The following NCAM2 variants were observed in gnomAD, a reference collection of about 807,000 sequenced individuals.
The protein encoded by NCAM2 is neural cell adhesion molecule 2.
In NCAM2, 30 loss-of-function variants were observed where a neutral mutation model predicts 98.1. The observed-to-expected ratio is 0.31, with a 90% CI of 0.23 to 0.41. The LOEUF (loss-of-function observed/expected upper bound fraction) is 0.41. Among genes scored for constraint, NCAM2 ranks in the 10% least tolerant of loss-of-function variants. The pLI is 1.00. For missense variants in NCAM2, 867 were observed against 1,005.8 expected (o/e 0.86, Z 1.87); for synonymous variants, 368 against 342.4 (o/e 1.07, Z -0.83).
At chr21:21,006,367 C>T (rs1211445491) in intron 1 of NCAM2, among the ~76,000 whole-genome samples, 1 of 151,948 alleles carries the variant, frequency 6.6e-6, no homozygotes, top group Non-Finnish European at 1.5e-5. Flanking sequence ...ATTAGCTGGG[C>T]GTGGTGGTGC....
In NCAM2 at chr21:21,528,119, A is replaced by G. The variant is rs1463639837; in HGVS notation, c.2283-6418A>G. Among the ~76,000 whole-genome samples the G allele has an allele frequency of 7.9e-5, 12 of 152,224 alleles. No individual in the cohort carries two copies. The East Asian group carries it at 1.5e-3, about 20-fold the overall frequency. On this transcript the variant is annotated intron_variant, in intron 16 of 17. Coordinates refer to ENST00000400546, the MANE Select transcript of NCAM2 (RefSeq NM_004540.5). ...AAAGACTACCTACTTTATAATTCCA[A>G]CTATATGACAAATATAGTTTTGCTT...
intron 1 of NCAM2, among the ~76,000 whole-genome samples, chr21:21,169,017 A>T (rs1375586507): frequency 6.6e-6 from 1 of 152,086 alleles, no homozygotes; most frequent in African/African-American, 2.4e-5. Context: ...AAGTTGGAAG[A>T]CTCCATTATT....
chr21:21,542,728 G>C lies in NCAM2; in HGVS notation c.*4771G>C, dbSNP rs2146450355. ...ATAGCTAAGAAGGACCTGACTTTGA[G>C]AAGTGCTAGACCAGGGACTAGGAAC... On this transcript the variant is annotated 3_prime_UTR_variant, in exon 18 of 18. Transcript: ENST00000400546. 1 of 152,006 alleles carries C rather than the reference G, an allele frequency of 6.6e-6. No homozygotes were observed. Among genetic ancestry groups the C allele is most frequent in the South Asian group, 2.1e-4 (1 of 4,826 alleles). 9.4% of individuals were successfully genotyped at this position (152,006 alleles called of 1,614,324 possible).
At chr21:21,353,936 G>T (rs2075404795) in intron 8 of NCAM2, among the ~76,000 whole-genome samples, 1 of 151,850 alleles carries the variant, frequency 6.6e-6, no homozygotes, top group African/African-American at 2.4e-5. Context: ...GATAAAACTG[G>T]GTGTTTTTAG....
chr21:21,322,229 C>T (rs1453268375), intron 5 of NCAM2, among the ~76,000 whole-genome samples: 1 of 152,086 alleles, frequency 6.6e-6, no homozygotes, highest in Non-Finnish European at 1.5e-5. Context: ...AACAGAAAAC[C>T]AAATACTGCA....
At chr21:21,183,364 CAG>C (rs2068539760) in intron 1 of NCAM2, among the ~76,000 whole-genome samples, 1 of 152,044 alleles carries the variant, frequency 6.6e-6, no homozygotes, top group African/African-American at 2.4e-5. Flanking sequence ...AACTGAATAA[CAG>C]AGCCACCGTG....
chr21:21,280,501 G>C, intron 1 of NCAM2, 77 bp from the exon 2 acceptor site: 3 of 973,260 alleles, frequency 3.1e-6, no homozygotes, highest in Middle Eastern at 4.1e-4. Flanking sequence ...TGGACCATGT[G>C]GTTTAGACAT....
chr21:21,008,339 GA>G (rs1234698150), intron 1 of NCAM2, among the ~76,000 whole-genome samples: 1 of 152,072 alleles, frequency 6.6e-6, no homozygotes, highest in African/African-American at 2.4e-5. Context: ...TAAAACTTGT[GA>G]ATCATCAAAG....
chr21:21,279,122 C>G (rs994033159), intron 1 of NCAM2, among the ~76,000 whole-genome samples: 1 of 152,148 alleles, frequency 6.6e-6, no homozygotes, highest in East Asian at 1.9e-4. Context: ...GAGCCCTACA[C>G]GTGAGACTGC....
chr21:21,040,513 G>A (rs2146258902), intron 1 of NCAM2, among the ~76,000 whole-genome samples: 1 of 152,088 alleles, frequency 6.6e-6, no homozygotes, highest in South Asian at 2.1e-4. Context: ...TATAGTAAGT[G>A]CTCACAAGGA....
intron 1 of NCAM2, among the ~76,000 whole-genome samples, chr21:21,090,144 A>G (rs2065984077): frequency 6.6e-6 from 1 of 152,236 alleles, no homozygotes; most frequent in Non-Finnish European, 1.5e-5. Flanking sequence ...TCACTGAATC[A>G]GAATCAGCCT....
At chr21:21,402,273 A>C (rs924333969) in intron 9 of NCAM2, among the ~76,000 whole-genome samples, 8 of 152,112 alleles carry the variant, frequency 5.3e-5, no homozygotes, top group African/African-American at 1.7e-4. Context: ...CAAGGAATAT[A>C]ATATTAAGAC....
intron 1 of NCAM2, among the ~76,000 whole-genome samples, chr21:21,252,585 A>G (rs939516547): frequency 3.9e-5 from 6 of 152,152 alleles, no homozygotes; most frequent in Admixed American, 3.3e-4. Flanking sequence ...TGACATATGT[A>G]GAGCTGCTTG....
At chr21:21,293,669 C>A (rs940406058) in intron 5 of NCAM2, among the ~76,000 whole-genome samples, 1 of 151,708 alleles carries the variant, frequency 6.6e-6, no homozygotes, top group Non-Finnish European at 1.5e-5. Flanking sequence ...TGTATCTAAC[C>A]TTTATCTATA....
chr21:21,462,744 T>C (rs900108614), intron 12 of NCAM2, among the ~76,000 whole-genome samples: 1 of 152,074 alleles, frequency 6.6e-6, no homozygotes, highest in Non-Finnish European at 1.5e-5. Flanking sequence ...ATATAAATGA[T>C]GTAGAAATAT....
intron 1 of NCAM2, among the ~76,000 whole-genome samples, chr21:21,084,772 C>T (rs868569543): frequency 1.6e-4 from 24 of 152,198 alleles, no homozygotes; most frequent in South Asian, 6.2e-4. Context: ...TCTTGTAAGG[C>T]ACTGATAATG....
chr21:21,372,946 T>C (rs1374248163), intron 8 of NCAM2, among the ~76,000 whole-genome samples: 9 of 151,862 alleles, frequency 5.9e-5, no homozygotes, highest in Non-Finnish European at 1.3e-4. Context: ...TACTTTTCAA[T>C]ACTGTGAAAT....
intron 1 of NCAM2, among the ~76,000 whole-genome samples, chr21:21,052,822 A>G (rs551610943): frequency 3.2e-4 from 48 of 152,240 alleles, no homozygotes; most frequent in Admixed American, 6.5e-4. Flanking sequence ...TTTTTTTCCA[A>G]AGTGAAAATA....
chr21:21,083,946 G>A (rs1393705087), intron 1 of NCAM2, among the ~76,000 whole-genome samples: 1 of 152,144 alleles, frequency 6.6e-6, no homozygotes, highest in East Asian at 1.9e-4. Flanking sequence ...TGGGGAGAGT[G>A]GATGGTGTCT....
Sources: allele counts gnomAD v4.1 joint callset (sites outside exome capture counted in the v4.1 genomes callset), GRCh38; gene constraint gnomAD v4.1.1; transcripts MANE v1.5; gene names NCBI Gene and HGNC (gene_info 2026-07-23, HGNC 2026-07-21).